Variants in LINGO2 observed in about 807,000 individuals in gnomAD.
LINGO2 encodes leucine rich repeat and Ig domain containing 2, also known as leucine-rich repeat and immunoglobulin-like domain-containing nogo receptor-interacting protein 2.
LINGO2 carries 14 observed loss-of-function variants against 30.6 expected under a neutral mutation model. That is an observed-to-expected ratio of 0.46 (90% confidence interval 0.30 to 0.72). The LOEUF is 0.72. LINGO2 is among the 30% of genes least tolerant of loss of function. The pLI is 0.07. For synonymous variants in LINGO2, 317 were observed against 288.5 expected, an observed-to-expected ratio of 1.10 and a Z score of -1.00; for missense variants, 729 against 751.7, an observed-to-expected ratio of 0.97 and a Z score of 0.35.
chr9:28,413,776 C>T (rs183587567), intron 2 of LINGO2, among the ~76,000 whole-genome samples: 125 of 152,094 alleles, frequency 8.2e-4, no homozygotes, highest in Middle Eastern at 3.4e-3. Context: ...ATACTTCAAA[C>T]GGAGGCTATG....
At chr9:28,211,668 C>T (rs1047979491) in intron 4 of LINGO2, among the ~76,000 whole-genome samples, 4 of 151,452 alleles carry the variant, frequency 2.6e-5, no homozygotes, top group Admixed American at 2.0e-4. Flanking sequence ...ACAGGCAAGG[C>T]TTGTATTCTC....
At chr9:28,778,521 A>G in the LINGO2 span, among the ~76,000 whole-genome samples, 1 of 152,192 alleles carries the variant, frequency 6.6e-6, no homozygotes, top group African/African-American at 2.4e-5. Context: ...AGTACTATTA[A>G]GTTGAACTAA....
At chr9:28,509,636 T>A in intron 1 of LINGO2, among the ~76,000 whole-genome samples, 1 of 152,138 alleles carries the variant, frequency 6.6e-6, no homozygotes, top group East Asian at 1.9e-4. Context: ...AACGAGGTCA[T>A]AAGGGTGGGA....
intron 4 of LINGO2, among the ~76,000 whole-genome samples, chr9:28,225,338 A>G (rs1821110296): frequency 6.6e-6 from 1 of 152,180 alleles, no homozygotes; most frequent in African/African-American, 2.4e-5. Flanking sequence ...GTAAGTCTGA[A>G]TATTTAAAGA....
chr9:28,089,288 A>T (rs1170971469), intron 4 of LINGO2, among the ~76,000 whole-genome samples: 1 of 152,220 alleles, frequency 6.6e-6, no homozygotes, highest in African/African-American at 2.4e-5. Flanking sequence ...CATCACACTT[A>T]TTCCAAAATT....
chr9:28,448,474 G>A (rs1274884040), intron 2 of LINGO2, among the ~76,000 whole-genome samples: 2 of 152,070 alleles, frequency 1.3e-5, no homozygotes, highest in Non-Finnish European at 2.9e-5. Flanking sequence ...GAAGACGTTT[G>A]TTAAAAAATA....
the LINGO2 span, among the ~76,000 whole-genome samples, chr9:28,755,747 C>T: frequency 9.8e-4 from 149 of 152,064 alleles, 1 homozygote; most frequent in Middle Eastern, 0.02. Context: ...CAGAAGAAAA[C>T]GGAGAAGGAC....
At chr9:28,195,655 T>C (rs1819986234) in intron 4 of LINGO2, among the ~76,000 whole-genome samples, 1 of 151,396 alleles carries the variant, frequency 6.6e-6, no homozygotes, top group Admixed American at 6.6e-5. Flanking sequence ...AACAGATAAA[T>C]TATAGCCAGA....
chr9:28,996,331 T>C, the LINGO2 span, among the ~76,000 whole-genome samples: 2 of 152,196 alleles, frequency 1.3e-5, no homozygotes, highest in Non-Finnish European at 2.9e-5. Flanking sequence ...CCATTCACTA[T>C]GTTAAACAGT....
At chr9:29,184,775 T>C in the LINGO2 span, among the ~76,000 whole-genome samples, 1 of 150,988 alleles carries the variant, frequency 6.6e-6, no homozygotes, top group South Asian at 2.1e-4. Context: ...GTCTGGAGAA[T>C]GGATTTAATT....
chr9:28,731,771 TTGG>T, the LINGO2 span, among the ~76,000 whole-genome samples: 1 of 152,110 alleles, frequency 6.6e-6, no homozygotes, highest in Non-Finnish European at 1.5e-5. Flanking sequence ...CTGGAAAATA[TTGG>T]TGAATAATAT....
At chr9:28,073,488 G>A (rs142793202) in intron 4 of LINGO2, among the ~76,000 whole-genome samples, 1 of 152,224 alleles carries the variant, frequency 6.6e-6, no homozygotes, top group African/African-American at 2.4e-5. Context: ...CCATAACTAT[G>A]ACTTCTTAGT....
chr9:28,020,172 G>A (rs2183918), intron 4 of LINGO2, among the ~76,000 whole-genome samples: 105,133 of 151,978 alleles, frequency 0.69, 37,459 homozygotes, highest in East Asian at 0.82. Context: ...CTCTAAGTGG[G>A]AAAATGACTC....
chr9:29,086,904 T>C, the LINGO2 span, among the ~76,000 whole-genome samples: 4 of 151,834 alleles, frequency 2.6e-5, no homozygotes, highest in African/African-American at 9.7e-5. Flanking sequence ...TTTTTTTTTT[T>C]TTTTTTGAGA....
chr9:28,967,186 C>T, the LINGO2 span, among the ~76,000 whole-genome samples: 110 of 152,228 alleles, frequency 7.2e-4, no homozygotes, highest in African/African-American at 2.4e-3. Flanking sequence ...TGTTATCTGC[C>T]TTGAGGCCCA....
intron 4 of LINGO2, among the ~76,000 whole-genome samples, chr9:28,030,293 T>C (rs761670528): frequency 6.6e-6 from 1 of 152,218 alleles, no homozygotes; most frequent in African/African-American, 2.4e-5. Flanking sequence ...TAGCAAAGTA[T>C]AAAACCAACT....
intron 2 of LINGO2, among the ~76,000 whole-genome samples, chr9:28,435,491 C>G: frequency 6.6e-6 from 1 of 152,114 alleles, no homozygotes; most frequent in Non-Finnish European, 1.5e-5. Context: ...CACAAACGTT[C>G]TAATGATCTC....
chr9:29,123,970 A>G, the LINGO2 span, among the ~76,000 whole-genome samples: 1 of 152,172 alleles, frequency 6.6e-6, no homozygotes, highest in African/African-American at 2.4e-5. Context: ...TATTAGCTAA[A>G]TAACAAAGCT....
chr9:28,871,617 C>G, the LINGO2 span, among the ~76,000 whole-genome samples: 1 of 151,714 alleles, frequency 6.6e-6, no homozygotes. Flanking sequence ...ATAGTGTAAC[C>G]AAATGATGCT....
Sources: allele counts gnomAD v4.1 joint callset (sites outside exome capture counted in the v4.1 genomes callset), GRCh38; gene constraint gnomAD v4.1.1; transcripts MANE v1.5; gene names NCBI Gene and HGNC (gene_info 2026-07-23, HGNC 2026-07-21).